The following RABGAP1 variants were observed in gnomAD, a reference collection of about 807,000 sequenced individuals.
The protein encoded by RABGAP1 is rab GTPase-activating protein 1.
Under a neutral mutation model 137.6 loss-of-function variants are expected in RABGAP1, and 23 were observed. That is an observed-to-expected ratio of 0.17 (90% CI 0.12 to 0.24). RABGAP1 has a LOEUF of 0.24. RABGAP1 is among the 10% of genes least tolerant of loss of function. RABGAP1 has a pLI of 1.00. For synonymous variants in RABGAP1, 451 were observed against 450.7 expected, an observed-to-expected ratio of 1.00 and a Z score of -0.01; for missense variants, 906 against 1,275.8, an observed-to-expected ratio of 0.71 and a Z score of 4.42.
intron 2 of RABGAP1, among the ~76,000 whole-genome samples, chr9:122,968,202 C>G (rs186403196): frequency 0.011 from 1,529 of 145,534 alleles, 5 homozygotes; most frequent in Non-Finnish European, 0.015. Flanking sequence ...CTTTGTGTTA[C>G]AAACAATTCA....
intron 21 of RABGAP1, among the ~76,000 whole-genome samples, chr9:123,097,074 G>GTCT (rs2035207415): frequency 6.6e-6 from 1 of 152,178 alleles, no homozygotes; most frequent in East Asian, 1.9e-4. Context: ...ATATGGTATA[G>GTCT]TCAGTCCTTC....
intron 2 of RABGAP1, among the ~76,000 whole-genome samples, chr9:122,982,223 T>C (rs930849581): frequency 6.6e-6 from 1 of 152,228 alleles, no homozygotes; most frequent in Non-Finnish European, 1.5e-5. Context: ...GTTTTGTGTA[T>C]GTACATTACT....
intron 2 of RABGAP1, among the ~76,000 whole-genome samples, chr9:122,969,362 T>G (rs1356529876): frequency 6.6e-6 from 1 of 152,240 alleles, no homozygotes; most frequent in African/African-American, 2.4e-5. Flanking sequence ...TCCCTGTTGT[T>G]AAGTGATGCA....
intron 2 of RABGAP1, among the ~76,000 whole-genome samples, chr9:122,961,326 A>G (rs1465455718): frequency 3.9e-5 from 6 of 152,208 alleles, no homozygotes; most frequent in Admixed American, 3.9e-4. Flanking sequence ...ATTTATAGCT[A>G]ACTTCTCAGC....
chr9:122,977,424 G>A (rs1182121597), intron 2 of RABGAP1, among the ~76,000 whole-genome samples: 2 of 152,186 alleles, frequency 1.3e-5, no homozygotes, highest in African/African-American at 2.4e-5. Context: ...GATGCAGGAG[G>A]GCTGGGTTCG....
At chr9:123,002,537 A>G (rs993556772) in intron 10 of RABGAP1, among the ~76,000 whole-genome samples, 3 of 151,622 alleles carry the variant, frequency 2.0e-5, no homozygotes, top group African/African-American at 7.2e-5. Context: ...AATGTTATAC[A>G]ACCTTGGATT....
rs1401018949 is a variant in RABGAP1, at chr9:123,058,672, AG to A, written c.1795-6675del. On this transcript the variant is annotated intron_variant, in intron 13 of 25. Transcript: ENST00000373647. ...ATTTGTTTAGTGAATAAATTTAAGA[AG>A]TGCTGATATTTTACAGTATAGTTTT... Among the ~76,000 whole-genome samples, 8 of 152,356 alleles carry A rather than the reference AG, an allele frequency of 5.3e-5. No homozygotes were observed. In the East Asian group the frequency reaches 1.5e-3, roughly 29 times the overall value.
At chr9:123,018,813 A>T (rs943678355) in intron 12 of RABGAP1, among the ~76,000 whole-genome samples, 1 of 152,188 alleles carries the variant, frequency 6.6e-6, no homozygotes, top group East Asian at 1.9e-4. Context: ...TTATAATTTG[A>T]TAGTGGTTAT....
chr9:123,000,880 T>C (rs1285010527), intron 10 of RABGAP1, among the ~76,000 whole-genome samples: 1 of 152,084 alleles, frequency 6.6e-6, no homozygotes, highest in Non-Finnish European at 1.5e-5. Context: ...CTTTTCAACA[T>C]AATAGTAGCC....
At chr9:123,034,086 G>T (rs1025243169) in intron 13 of RABGAP1, 2 of 165,518 alleles carry the variant, frequency 1.2e-5, no homozygotes, top group Non-Finnish European at 2.6e-5. Context: ...GAGCGGGAGG[G>T]ATGATGCCAG....
intron 24 of RABGAP1, among the ~76,000 whole-genome samples, chr9:123,099,815 T>C (rs1046627348): frequency 6.6e-5 from 10 of 152,238 alleles, no homozygotes; most frequent in Admixed American, 6.5e-4. Context: ...AGGCAGTCGA[T>C]GTCCGCAGTG....
At chr9:123,065,703 C>T in intron 14 of RABGAP1, 1 of 438,564 alleles carries the variant, frequency 2.3e-6, no homozygotes. Flanking sequence ...GATGACAGTT[C>T]CCTGGCTCCA....
chr9:122,991,310 A>G lies in RABGAP1; in HGVS notation c.923+1097A>G, dbSNP rs571278698. 1.3e-4 allele frequency among the ~76,000 whole-genome samples: 20 copies of G among 152,270 alleles called. No individual in the cohort carries two copies. In the South Asian group the frequency reaches 1.4e-3, roughly 11 times the overall value. On this transcript the variant is annotated intron_variant, in intron 6 of 25. Transcript: ENST00000373647. ...CCATGTCCCAAAATGATTGTATTAT[A>G]ATCAGTAATTGCATGTAGAAGTCTG... is the stretch of plus-strand genomic sequence containing the variant.
At chr9:123,075,930 A>G (rs2034493790) in intron 17 of RABGAP1, among the ~76,000 whole-genome samples, 2 of 152,156 alleles carry the variant, frequency 1.3e-5, no homozygotes, top group Admixed American at 6.5e-5. Flanking sequence ...GTTCCCCAGG[A>G]GTTATTTCCT....
chr9:123,001,788 A>G (rs779562913), intron 10 of RABGAP1, among the ~76,000 whole-genome samples: 1 of 152,212 alleles, frequency 6.6e-6, no homozygotes, highest in Non-Finnish European at 1.5e-5. Flanking sequence ...ACTATACAAC[A>G]TGCTTAGAAT....
intron 21 of RABGAP1, among the ~76,000 whole-genome samples, chr9:123,095,110 C>G (rs1588410872): frequency 6.6e-6 from 1 of 151,348 alleles, no homozygotes; most frequent in Non-Finnish European, 1.5e-5. Context: ...GCCTATATTC[C>G]CAGCTACATA....
At chr9:123,089,944 T>A (rs895687983) in intron 20 of RABGAP1, 94 bp downstream of exon 20, 16 of 1,135,240 alleles carry the variant, frequency 1.4e-5, no homozygotes, top group Non-Finnish European at 1.9e-5. Flanking sequence ...CTTTTTAAAA[T>A]TCAATTCCTC....
At chr9:123,014,733 C>T (rs1191083894) in intron 11 of RABGAP1, among the ~76,000 whole-genome samples, 1 of 145,828 alleles carries the variant, frequency 6.9e-6, no homozygotes. Context: ...GCGATCTTGG[C>T]TCACTGCAAA....
intron 13 of RABGAP1, among the ~76,000 whole-genome samples, chr9:123,054,143 A>G (rs2033601196): frequency 6.6e-6 from 1 of 152,242 alleles, no homozygotes; most frequent in Non-Finnish European, 1.5e-5. Context: ...CTTCAAATTT[A>G]AAAAAGTAAT....
Sources: allele counts gnomAD v4.1 joint callset (sites outside exome capture counted in the v4.1 genomes callset), GRCh38; gene constraint gnomAD v4.1.1; transcripts MANE v1.5; gene names NCBI Gene and HGNC (gene_info 2026-07-23, HGNC 2026-07-21).